Variants in GAS7 observed in about 807,000 individuals in gnomAD.
GAS7 encodes growth arrest specific 7.
A neutral mutation model predicts 71.1 loss-of-function variants in GAS7; 28 were observed. The observed-to-expected ratio is 0.39, with a 90% confidence interval of 0.29 to 0.54. GAS7 has a LOEUF of 0.54. Among genes scored for constraint, GAS7 ranks in the 20% least tolerant of loss-of-function variants. The pLI, the probability that GAS7 is intolerant of heterozygous loss-of-function variation, is 0.62. For synonymous variants in GAS7, 258 were observed against 245.8 expected (o/e 1.05, Z -0.46); for missense variants, 436 against 627.8 (o/e 0.69, Z 3.27).
intron 1 of GAS7, among the ~76,000 whole-genome samples, chr17:10,145,225 G>A (rs764987919): frequency 3.3e-5 from 5 of 152,232 alleles, no homozygotes; most frequent in East Asian, 1.9e-4. Context: ...GAAAAGAACC[G>A]CAGAGACGCC....
At chr17:9,935,834 G>T (rs190197975) in intron 8 of GAS7, among the ~76,000 whole-genome samples, 87 of 152,362 alleles carry the variant, frequency 5.7e-4, no homozygotes, top group African/African-American at 2.0e-3. Context: ...AATTGTCTCT[G>T]CCTGAAGGGC....
At chr17:9,996,665 G>T (rs2071058958) in intron 2 of GAS7, among the ~76,000 whole-genome samples, 1 of 150,984 alleles carries the variant, frequency 6.6e-6, no homozygotes, top group African/African-American at 2.4e-5. Flanking sequence ...TTGAGACAGA[G>T]GCTCGCTCTG....
intron 1 of GAS7, among the ~76,000 whole-genome samples, chr17:10,038,766 C>T (rs2072807385): frequency 6.9e-6 from 1 of 144,304 alleles, no homozygotes. Flanking sequence ...GTGGCGCAAT[C>T]TCGGCTCACT....
intron 1 of GAS7, among the ~76,000 whole-genome samples, chr17:10,176,825 C>G (rs532126812): frequency 6.6e-6 from 1 of 152,238 alleles, no homozygotes; most frequent in African/African-American, 2.4e-5. Flanking sequence ...GATGACCTGG[C>G]TATACTCCTT....
In GAS7 at chr17:10,131,332, G is replaced by C. The variant is rs140067014; in HGVS notation, c.183+66876C>G. ...AGCAATCAGAACTTCAAAGTCTCAT[G>C]TATTCCTGGGCAGGGTGTGGTGGCT... On this transcript the variant is annotated intron_variant, in intron 1 of 13. Transcript: ENST00000432992. Among the ~76,000 whole-genome samples, 1,436 of 152,310 alleles carry C rather than the reference G, an allele frequency of 9.4e-3. 23 individuals are homozygous for C. Among genetic ancestry groups the C allele is most frequent in the African/African-American group, 0.032 (1,331 of 41,580 alleles).
rs55650323 is a variant in GAS7 at position 10,089,518 on chromosome 17, T to TA, written c.184-69622dup. Among the ~76,000 whole-genome samples the TA allele has an allele frequency of 1.0e-2, 1,443 of 144,336 alleles. 9 individuals are homozygous for TA. The highest frequency in any genetic ancestry group is 0.022 in the South Asian group (95 of 4,414). 94.7% of individuals were successfully genotyped at this position (144,336 alleles called of 152,430 possible). A position where few individuals can be genotyped will look rare whatever the true frequency, so the allele number is the denominator to read the frequency against. ...ACGGGTTCAGAGAAAGAGAACACAG[T>TA]AAAAAAAAAAAAAAAGTATTTAAAG... On this transcript the variant is annotated intron_variant, in intron 1 of 13. Transcript: ENST00000432992.
chr17:10,001,205 A>G (rs987728206), intron 2 of GAS7, among the ~76,000 whole-genome samples: 1 of 152,200 alleles, frequency 6.6e-6, no homozygotes, highest in South Asian at 2.1e-4. Flanking sequence ...AATCTGAGAA[A>G]GATCAAGAGA....
intron 7 of GAS7, among the ~76,000 whole-genome samples, chr17:9,941,898 G>GA (rs1425586271): frequency 5.3e-5 from 8 of 152,280 alleles, no homozygotes; most frequent in East Asian, 1.9e-4. Context: ...CCCTCTAAGG[G>GA]AAAGGGGTGC....
intron 1 of GAS7, among the ~76,000 whole-genome samples, chr17:10,024,116 T>A (rs757363683): frequency 6.6e-6 from 1 of 152,102 alleles, no homozygotes; most frequent in Non-Finnish European, 1.5e-5. Flanking sequence ...AGAGTGAGAC[T>A]CTGTTTCAAA....
intron 3 of GAS7, among the ~76,000 whole-genome samples, chr17:9,976,745 C>A (rs191597243): frequency 6.6e-6 from 1 of 152,300 alleles, no homozygotes; most frequent in African/African-American, 2.4e-5. Flanking sequence ...GATCCTGAAC[C>A]CATGTTTCCT....
At chr17:9,921,362 G>A (rs1339648170) in intron 11 of GAS7, among the ~76,000 whole-genome samples, 3 of 151,834 alleles carry the variant, frequency 2.0e-5, no homozygotes, top group Admixed American at 6.6e-5. Context: ...TCACCATATC[G>A]GCCAGGCTAG....
intron 3 of GAS7, among the ~76,000 whole-genome samples, chr17:9,979,528 T>G (rs1372335073): frequency 3.3e-5 from 5 of 152,212 alleles, no homozygotes; most frequent in South Asian, 2.1e-4. Context: ...AGGCAGCTCC[T>G]GTGAGCATCC....
intron 1 of GAS7, among the ~76,000 whole-genome samples, chr17:10,067,217 C>A (rs1226800498): frequency 6.6e-6 from 1 of 152,066 alleles, no homozygotes; most frequent in Non-Finnish European, 1.5e-5. Flanking sequence ...TTTATTCCAA[C>A]TCCCTTCACT....
intron 3 of GAS7, among the ~76,000 whole-genome samples, chr17:9,975,377 G>A (rs1567844338): frequency 6.6e-6 from 1 of 151,906 alleles, no homozygotes; most frequent in African/African-American, 2.4e-5. Flanking sequence ...AAAAAACAAA[G>A]TTGAGGAACC....
At chr17:9,983,352 G>A (rs551433879) in intron 2 of GAS7, among the ~76,000 whole-genome samples, 1 of 152,238 alleles carries the variant, frequency 6.6e-6, no homozygotes, top group Admixed American at 6.5e-5. Context: ...TTAGCCAGGT[G>A]TGGTAGCACG....
At chr17:10,190,903 C>T (rs1014114355) in intron 1 of GAS7, among the ~76,000 whole-genome samples, 1 of 151,644 alleles carries the variant, frequency 6.6e-6, no homozygotes, top group East Asian at 1.9e-4. Flanking sequence ...AGAACAGGCA[C>T]GGTGGTTCAC....
At chr17:10,111,900 C>A (rs1291410743) in intron 1 of GAS7, among the ~76,000 whole-genome samples, 2 of 152,208 alleles carry the variant, frequency 1.3e-5, no homozygotes, top group African/African-American at 4.8e-5. Flanking sequence ...GCTTCTTAGA[C>A]TCTTATTTTC....
intron 1 of GAS7, among the ~76,000 whole-genome samples, chr17:10,197,649 G>A (rs2074550416): frequency 6.6e-6 from 1 of 150,996 alleles, no homozygotes; most frequent in African/African-American, 2.4e-5. Flanking sequence ...CGGCACCCCA[G>A]GATCAAGCCT....
chr17:10,014,380 G>A (rs899947716), intron 2 of GAS7, among the ~76,000 whole-genome samples: 8 of 152,178 alleles, frequency 5.3e-5, no homozygotes, highest in South Asian at 4.1e-4. Flanking sequence ...TCGCTCTGCC[G>A]CACAAGCAGC....
Sources: gnomAD v4.1 joint callset for allele counts (sites outside exome capture counted in the v4.1 genomes callset) on GRCh38, gnomAD v4.1.1 for gene constraint, MANE v1.5 for transcripts, NCBI Gene and HGNC (gene_info 2026-07-23, HGNC 2026-07-21) for gene names.